Variants in MYO16 observed in about 807,000 individuals in gnomAD.
MYO16 encodes the protein myosin XVI, also known as unconventional myosin-XVI.
In MYO16, 94 loss-of-function variants were observed where a neutral mutation model predicts 205.3. The observed-to-expected ratio is 0.46, with a 90% confidence interval of 0.39 to 0.54. MYO16 has a LOEUF of 0.54. Ranked by LOEUF, MYO16 falls within the 20% of genes least tolerant of loss-of-function variation. The pLI, the probability that MYO16 is intolerant of heterozygous loss-of-function variation, is 0.00. For synonymous variants in MYO16, 988 were observed against 954.0 expected (o/e 1.04, Z -0.66); for missense variants, 2,315 against 2,387.5 (o/e 0.97, Z 0.63).
upstream of MYO16, among the ~76,000 whole-genome samples, chr13:108,591,163 C>G (rs555487516): frequency 3.9e-5 from 6 of 152,230 alleles, no homozygotes; most frequent in African/African-American, 1.4e-4. Context: ...TGACTCTTAC[C>G]TGCATTCGAA....
intron 4 of MYO16, among the ~76,000 whole-genome samples, chr13:108,753,294 TG>T (rs1399736768): frequency 7.0e-6 from 1 of 143,506 alleles, no homozygotes; most frequent in Admixed American, 7.2e-5. Flanking sequence ...CGCTTGAAAC[TG>T]GAAGGTGGAG....
chr13:108,669,228 C>A (rs895181855), intron 2 of MYO16, among the ~76,000 whole-genome samples: 7 of 152,044 alleles, frequency 4.6e-5, no homozygotes, highest in Middle Eastern at 3.2e-3. Context: ...AGGGAGGGTG[C>A]TTTCTTGGGA....
chr13:109,058,657 T>C (rs1887490613), intron 27 of MYO16, among the ~76,000 whole-genome samples: 1 of 152,158 alleles, frequency 6.6e-6, no homozygotes, highest in African/African-American at 2.4e-5. Context: ...GATTTTGCCT[T>C]GATGTTGCTG....
At chr13:108,729,335 T>G (rs963241882) in intron 4 of MYO16, among the ~76,000 whole-genome samples, 2 of 152,178 alleles carry the variant, frequency 1.3e-5, no homozygotes, top group African/African-American at 4.8e-5. Flanking sequence ...TTAGACATCT[T>G]TAGAATGCTA....
At chr13:108,496,810 A>T in the MYO16 span, among the ~76,000 whole-genome samples, 1 of 152,186 alleles carries the variant, frequency 6.6e-6, no homozygotes, top group Non-Finnish European at 1.5e-5. Context: ...ATTATTAGCC[A>T]TTGGAGGAGG....
At chr13:108,996,082 G>A (rs277808) in intron 21 of MYO16, among the ~76,000 whole-genome samples, 148,651 of 152,310 alleles carry the variant, frequency 0.98, 72,621 homozygotes, top group East Asian at 1. Context: ...CCATTACTGG[G>A]TATATACCCA....
intron 20 of MYO16, among the ~76,000 whole-genome samples, chr13:108,987,500 T>G (rs1351757736): frequency 6.6e-6 from 1 of 152,210 alleles, no homozygotes; most frequent in African/African-American, 2.4e-5. Flanking sequence ...GCAAAACTTT[T>G]TGTAAATGAA....
In MYO16 at chr13:109,141,123, G is replaced by A. The variant is rs1877066573; in HGVS notation, c.4911G>A (p.Lys1637=). 3.2e-6 allele frequency: 5 copies of A among 1,575,934 alleles called. No individual in the cohort carries two copies. The East Asian group carries it at 7.3e-5, about 23-fold the overall frequency. ...GKAGPSAEAP[K]VHPKPNSAPV... The stretch of plus-strand genomic sequence containing the variant: ...CGGGGCCGAGCGCAGAGGCGCCCAA[G>A]GTTCACCCAAAGCCAAACTCTGCCC... The change falls in exon 32 of 35, where the codon AAG becomes AAA. Residue 1637 remains lysine (K), a synonymous_variant. Coordinates refer to ENST00000457511, the MANE Select transcript of MYO16 (RefSeq NM_001198950.3). This position sits in a 1 kb window ranked among gnomAD's most constrained non-coding sequence, Gnocchi z 4.1.
chr13:108,612,474 C>T (rs1879211590), intron 1 of MYO16, among the ~76,000 whole-genome samples: 1 of 152,048 alleles, frequency 6.6e-6, no homozygotes, highest in African/African-American at 2.4e-5. Flanking sequence ...GAAATGCCTT[C>T]AGGTTTAAAA....
intron 27 of MYO16, among the ~76,000 whole-genome samples, chr13:109,076,700 T>C (rs1888117956): frequency 6.6e-6 from 1 of 151,580 alleles, no homozygotes; most frequent in African/African-American, 2.4e-5. Context: ...CCTAAGAGAG[T>C]GGGGTGGACC....
chr13:108,700,344 A>G (rs1883253596), intron 2 of MYO16, among the ~76,000 whole-genome samples: 1 of 22,638 alleles, frequency 4.4e-5, no homozygotes, highest in Admixed American at 5.5e-4. Flanking sequence ...AAAAAAAAAA[A>G]AAAAAAGAAG....
At chr13:109,044,428 A>T (rs1007467982) in intron 23 of MYO16, among the ~76,000 whole-genome samples, 1 of 152,140 alleles carries the variant, frequency 6.6e-6, no homozygotes. Context: ...GAAGGATATG[A>T]TTGGAGGCAT....
At chr13:108,802,031 CTG>C (rs1184408475) in intron 6 of MYO16, among the ~76,000 whole-genome samples, 1 of 152,140 alleles carries the variant, frequency 6.6e-6, no homozygotes, top group Non-Finnish European at 1.5e-5. Context: ...TATGTATACA[CTG>C]TGAAATGATT....
chr13:108,762,686 A>G (rs1885648744), intron 4 of MYO16, among the ~76,000 whole-genome samples: 2 of 152,212 alleles, frequency 1.3e-5, no homozygotes, highest in Non-Finnish European at 2.9e-5. Flanking sequence ...TGATAATAAA[A>G]TGTGGAAGAA....
At chr13:108,653,495 C>T (rs1881104297) in intron 1 of MYO16, among the ~76,000 whole-genome samples, 1 of 151,678 alleles carries the variant, frequency 6.6e-6, no homozygotes, top group African/African-American at 2.4e-5. Context: ...AGATTTTTTC[C>T]CTGTGTTTTT....
chr13:109,150,636 C>G (rs1276228904), intron 32 of MYO16, among the ~76,000 whole-genome samples: 1 of 152,162 alleles, frequency 6.6e-6, no homozygotes, highest in Non-Finnish European at 1.5e-5. Context: ...AACAAAGAAG[C>G]CTTTACAACC....
chr13:109,087,016 T>C (rs903105673), intron 27 of MYO16, among the ~76,000 whole-genome samples: 1 of 152,248 alleles, frequency 6.6e-6, no homozygotes, highest in South Asian at 2.1e-4. Flanking sequence ...ATAATAAATA[T>C]TGATTGGCTG....
chr13:109,179,616 G>A lies in MYO16; in HGVS notation c.5398G>A (p.Asp1800Asn). 1 of 1,613,286 alleles carries A rather than the reference G, an allele frequency of 6.2e-7. No individual in the cohort carries two copies. The highest frequency in any genetic ancestry group is 8.5e-7 in the Non-Finnish European group (1 of 1,179,304). The change falls in exon 34 of 35, where the codon GAC (aspartate) becomes AAC (asparagine). Residue 1800 changes from aspartate to asparagine, a missense_variant. This residue lies in a region of MYO16 where 1,097 missense variants were observed against 1,092.0 expected (regional missense o/e 1.00). Coordinates refer to ENST00000457511, the MANE Select transcript of MYO16 (RefSeq NM_001198950.3). ...TGTSTFQRHR[D>N]SHTTQVIHQL... ...GACTTCGACATTTCAAAGACACAGG[G>A]ACAGTCACACCACTCAGGTAATGAT...
chr13:108,760,394 G>A (rs1290396324), intron 4 of MYO16, among the ~76,000 whole-genome samples: 1 of 151,562 alleles, frequency 6.6e-6, no homozygotes, highest in African/African-American at 2.4e-5. Flanking sequence ...TCTTGCTTCT[G>A]TTACTTTTAG....
Sources: gnomAD v4.1 joint callset for allele counts (sites outside exome capture counted in the v4.1 genomes callset) on GRCh38, gnomAD v4.1.1 for gene constraint, gnomAD v4.1.1 regional missense constraint, Gnocchi (gnomAD v3.1) non-coding constraint, MANE v1.5 for transcripts, NCBI Gene and HGNC (gene_info 2026-07-23, HGNC 2026-07-21) for gene names.